SGCZ: variants seen among roughly 807,000 people sequenced by gnomAD.
The protein encoded by SGCZ is zeta-sarcoglycan.
A neutral mutation model predicts 41.3 loss-of-function variants in SGCZ; 40 were observed. The ratio of observed to expected loss-of-function variants is 0.97; its 90% CI spans 0.75 to 1.26. The LOEUF is 1.26. SGCZ is among the 50% of genes most tolerant of loss of function. The probability of loss-of-function intolerance (pLI) is 0.00; values close to 1 mark genes in which losing one functional copy is unlikely to be tolerated. For synonymous variants in SGCZ, 206 were observed against 137.5 expected, an observed-to-expected ratio of 1.50 and a Z score of -3.49; for missense variants, 552 against 369.8, an observed-to-expected ratio of 1.49 and a Z score of -4.04.
At chr8:14,925,758 C>G (rs1366441426) in intron 1 of SGCZ, among the ~76,000 whole-genome samples, 2 of 152,026 alleles carry the variant, frequency 1.3e-5, no homozygotes, top group African/African-American at 4.8e-5. Flanking sequence ...ATTGCTGTAC[C>G]AGATGGACAG....
chr8:15,078,358 C>T (rs73522884), intron 1 of SGCZ, among the ~76,000 whole-genome samples: 2 of 151,558 alleles, frequency 1.3e-5, no homozygotes, highest in African/African-American at 2.4e-5. Context: ...CACTCTCCCT[C>T]TCTCTCCATA....
In SGCZ at chr8:15,133,272, A is replaced by C. The variant is rs894076308; in HGVS notation, c.39+104313T>G. 4.6e-5 allele frequency among the ~76,000 whole-genome samples: 7 copies of C among 152,176 alleles called. 1 individual carries two copies. Among genetic ancestry groups the C allele is most frequent in the Admixed American group, 4.6e-4 (7 of 15,270 alleles). On this transcript the variant is annotated intron_variant, in intron 1 of 7. Coordinates refer to ENST00000382080, the MANE Select transcript of SGCZ (RefSeq NM_139167.4). ...TTCTTTTGGTATGTGTTTTTGATAA[A>C]CTCTTCTTCTTAGAGTTATAAATGT...
At chr8:14,916,336 C>T (rs1020061157) in intron 1 of SGCZ, among the ~76,000 whole-genome samples, 18 of 152,138 alleles carry the variant, frequency 1.2e-4, no homozygotes, top group African/African-American at 4.3e-4. Flanking sequence ...ATTTCTTACT[C>T]AGGAAAGCCC....
intron 1 of SGCZ, among the ~76,000 whole-genome samples, chr8:14,898,916 A>C (rs1193923689): frequency 1.3e-5 from 2 of 152,210 alleles, no homozygotes; most frequent in African/African-American, 4.8e-5. Context: ...CTGAGAAAAT[A>C]TATTTCAGAA....
intron 1 of SGCZ, among the ~76,000 whole-genome samples, chr8:14,716,080 CTT>C (rs557407684): frequency 6.6e-6 from 1 of 152,008 alleles, no homozygotes; most frequent in Non-Finnish European, 1.5e-5. Flanking sequence ...GATAGCAAAA[CTT>C]AAACAAGGCC....
chr8:14,977,604 T>C (rs563276928), intron 1 of SGCZ, among the ~76,000 whole-genome samples: 2 of 152,196 alleles, frequency 1.3e-5, no homozygotes, highest in Non-Finnish European at 2.9e-5. Context: ...CATTTACATT[T>C]AGAATACAGG....
intron 4 of SGCZ, among the ~76,000 whole-genome samples, chr8:14,198,599 G>A (rs1209767044): frequency 2.0e-5 from 3 of 151,386 alleles, no homozygotes; most frequent in South Asian, 4.2e-4. Flanking sequence ...AATAAAAGTT[G>A]AAAAAAAAGA....
chr8:14,419,330 G>C (rs982521927), intron 2 of SGCZ, among the ~76,000 whole-genome samples: 5 of 151,806 alleles, frequency 3.3e-5, no homozygotes, highest in African/African-American at 1.2e-4. Context: ...TCATTGCTTT[G>C]ACTCATAAGA....
At chr8:14,551,604 T>C (rs1174441951) in intron 2 of SGCZ, among the ~76,000 whole-genome samples, 1 of 71,946 alleles carries the variant, frequency 1.4e-5, no homozygotes. Context: ...ATATTATATA[T>C]ATTATATATA....
chr8:14,402,338 G>T (rs1324620747), intron 2 of SGCZ, among the ~76,000 whole-genome samples: 1 of 151,534 alleles, frequency 6.6e-6, no homozygotes, highest in South Asian at 2.1e-4. Context: ...ATTGCTTTTG[G>T]TGTTTTAGAC....
At chr8:14,629,614 A>G (rs1806579447) in intron 1 of SGCZ, among the ~76,000 whole-genome samples, 1 of 152,098 alleles carries the variant, frequency 6.6e-6, no homozygotes, top group African/African-American at 2.4e-5. Context: ...ATCTCTATGT[A>G]TGCATGCAAA....
intron 1 of SGCZ, among the ~76,000 whole-genome samples, chr8:14,905,155 A>G (rs1450514192): frequency 3.3e-5 from 5 of 152,048 alleles, no homozygotes; most frequent in Non-Finnish European, 5.9e-5. Flanking sequence ...CTGTTTATCA[A>G]TGACATCATA....
intron 1 of SGCZ, among the ~76,000 whole-genome samples, chr8:14,658,251 T>G (rs979642275): frequency 1.3e-5 from 2 of 152,206 alleles, no homozygotes; most frequent in East Asian, 3.8e-4. Flanking sequence ...TTTTCAGCTC[T>G]ATCATTCAGA....
intron 1 of SGCZ, among the ~76,000 whole-genome samples, chr8:14,866,854 G>GA (rs750635239): frequency 4.1e-4 from 62 of 151,926 alleles, no homozygotes; most frequent in Non-Finnish European, 7.7e-4. Flanking sequence ...GAAACTAAAA[G>GA]AAAAAAAAGT....
intron 1 of SGCZ, among the ~76,000 whole-genome samples, chr8:14,762,097 C>CT (rs535770572): frequency 2.0e-5 from 3 of 152,132 alleles, no homozygotes; most frequent in Non-Finnish European, 2.9e-5. Context: ...CTGAAAGCCC[C>CT]TTTTTTTCCA....
At chr8:14,675,679 G>A (rs1808254626) in intron 1 of SGCZ, among the ~76,000 whole-genome samples, 1 of 152,132 alleles carries the variant, frequency 6.6e-6, no homozygotes, top group South Asian at 2.1e-4. Flanking sequence ...GAGAGGGACA[G>A]AAACACAACT....
At chr8:14,216,342 A>G (rs887836628) in intron 4 of SGCZ, among the ~76,000 whole-genome samples, 2 of 152,110 alleles carry the variant, frequency 1.3e-5, no homozygotes, top group Non-Finnish European at 2.9e-5. Flanking sequence ...ATCTCCTACA[A>G]GATGGTATTA....
At chr8:14,319,349 TGA>T (rs1801841023) in intron 3 of SGCZ, 1 of 151,886 alleles carries the variant, frequency 6.6e-6, no homozygotes, top group Non-Finnish European at 1.5e-5. Context: ...TTCACAAATC[TGA>T]GGCAAGGAAG....
rs1563123924 is a variant in SGCZ, at chr8:15,097,837, TG to T, written c.39+139747del. Among the ~76,000 whole-genome samples, 25 of 8,432 alleles carry T rather than the reference TG, an allele frequency of 3.0e-3. 1 individual carries two copies. The highest frequency in any genetic ancestry group is 7.5e-3 in the South Asian group (1 of 134). 5.5% of individuals were successfully genotyped at this position (8,432 alleles called of 152,430 possible). On this transcript the variant is annotated intron_variant, in intron 1 of 7. Coordinates refer to ENST00000382080, the MANE Select transcript of SGCZ (RefSeq NM_139167.4). The stretch of plus-strand genomic sequence containing the variant: ...ATACGTGTGTGTATATATATATACG[TG>T]TGTGTATATATATATATACGTGTGT...
Sources: gnomAD v4.1 joint callset for allele counts (sites outside exome capture counted in the v4.1 genomes callset) on GRCh38, gnomAD v4.1.1 for gene constraint, MANE v1.5 for transcripts, NCBI Gene and HGNC (gene_info 2026-07-23, HGNC 2026-07-21) for gene names.